Variants in CCDC196 observed in about 807,000 individuals in gnomAD.
The protein encoded by CCDC196 is coiled-coil domain-containing protein 196.
chr14:66,495,804 A>G (rs2057650409), intron 8 of CCDC196: 1 of 154,816 alleles, frequency 6.5e-6, no homozygotes, highest in Admixed American at 6.3e-5. Context: ...GAAAAAAGAA[A>G]AAAATTTCTT....
At chr14:66,494,216 T>C (rs2057609345) in intron 8 of CCDC196, among the ~76,000 whole-genome samples, 1 of 152,248 alleles carries the variant, frequency 6.6e-6, no homozygotes, top group Non-Finnish European at 1.5e-5. Flanking sequence ...AAATTGATTC[T>C]GCATTCATTT....
chr14:66,496,117 G>A (rs951853937), intron 8 of CCDC196: 21 of 356,928 alleles, frequency 5.9e-5, no homozygotes, highest in Admixed American at 5.4e-4. Context: ...ACAGGACAGC[G>A]TTTCTTTTTC....
intron 6 of CCDC196, 53 bp downstream of exon 6, chr14:66,491,157 T>C (rs1326856666): frequency 2.4e-6 from 1 of 411,780 alleles, no homozygotes; most frequent in African/African-American, 2.1e-5. Flanking sequence ...AAACTAGAAA[T>C]CTTTAATGTT....
intron 6 of CCDC196, 123 bp downstream of exon 6, chr14:66,491,227 G>C: frequency 2.5e-6 from 1 of 400,766 alleles, no homozygotes; most frequent in East Asian, 3.6e-5. Context: ...TATAGATTTG[G>C]TTCCCTTGTG....
At chr14:66,494,572 A>T (rs528038446) in intron 8 of CCDC196, 79 of 152,358 alleles carry the variant, frequency 5.2e-4, no homozygotes, top group African/African-American at 1.6e-3. Context: ...CCTTGAAAAT[A>T]AAATTTATAT....
At position 66,498,515 on chromosome 14, in the gene CCDC196, G is replaced by A; in HGVS notation, c.*43G>A. 2.4e-6 allele frequency: 1 copy of A among 412,420 alleles called. No homozygotes were observed. The highest frequency in any genetic ancestry group is 4.4e-6 in the Non-Finnish European group (1 of 225,270). 25.5% of individuals were successfully genotyped at this position (412,420 alleles called of 1,614,324 possible). A position where few individuals can be genotyped will look rare whatever the true frequency, so the allele number is the denominator to read the frequency against. ...TGCTTTGGACAGATTTAAAGACTAG[G>A]CACAGCCATTTGTGTTAATTAAAAT... On this transcript the variant is annotated 3_prime_UTR_variant, in exon 10 of 10. Coordinates refer to ENST00000636229, the MANE Select transcript of CCDC196 (RefSeq NM_001351576.1).
At chr14:66,496,357 T>C in intron 8 of CCDC196, 1 of 456,226 alleles carries the variant, frequency 2.2e-6, no homozygotes, top group Non-Finnish European at 4.4e-6. Context: ...CAAAATACAA[T>C]CCTGTGTTAA....
At position 66,494,829 on chromosome 14, in the gene CCDC196, T is replaced by C. The variant is rs545552033; in HGVS notation, c.715+2635T>C. On this transcript the variant is annotated intron_variant, in intron 8 of 9. Transcript: ENST00000636229. Reference sequence around the variant, plus strand: ...TCACGCGGTCAGGAGATTGAGACAATCCTGGTTAACATGGTGAAACCCCAT... The same window carrying C: ...TCACGCGGTCAGGAGATTGAGACAACCCTGGTTAACATGGTGAAACCCCAT... 5 of 152,040 alleles carry C rather than the reference T, an allele frequency of 3.3e-5. 2 individuals are homozygous for C. Among genetic ancestry groups the C allele is most frequent in the African/African-American group, 1.2e-4 (5 of 41,472 alleles). The allele number at this position is 152,040 out of a possible 1,614,324, so 9.4% of individuals were successfully genotyped here. A position where few individuals can be genotyped will look rare whatever the true frequency, so the allele number is the denominator to read the frequency against.
rs1382455072 is a variant in CCDC196 at position 66,488,206 on chromosome 14, T to A, written c.250T>A (p.Ser84Thr). ...QIMAGKGCEE[S>T]SVMELLKEAE... is the part of the protein sequence containing the mutation. ...CATGGCAGGGAAGGGGTGTGAGGAATCCTCGGTCATGGAGCTCCTTAAGGA... is the reference window on the plus strand; with the variant it reads ...CATGGCAGGGAAGGGGTGTGAGGAAACCTCGGTCATGGAGCTCCTTAAGGA... Residue 84 changes from serine to threonine, a missense_variant, in exon 3 of 10, where the codon TCC (serine) becomes ACC (threonine). Coordinates refer to ENST00000636229, the MANE Select transcript of CCDC196 (RefSeq NM_001351576.1). 2.4e-6 allele frequency: 1 copy of A among 413,036 alleles called. No individual in the cohort carries two copies. Among genetic ancestry groups the A allele is most frequent in the Non-Finnish European group, 4.4e-6 (1 of 225,920 alleles). 25.6% of individuals were successfully genotyped at this position (413,036 alleles called of 1,614,324 possible). A position where few individuals can be genotyped will look rare whatever the true frequency, so the allele number is the denominator to read the frequency against.
intron 8 of CCDC196, chr14:66,494,822 G>C (rs1268550778): frequency 6.6e-6 from 1 of 152,006 alleles, no homozygotes; most frequent in Admixed American, 6.6e-5. Flanking sequence ...TCAGGAGATT[G>C]AGACAATCCT....
chr14:66,498,534 T>C lies in CCDC196; in HGVS notation c.*62T>C, dbSNP rs1566719873. ...GACTAGGCACAGCCATTTGTGTTAA[T>C]TAAAATCTCTCGCACCTTTGTTTTA... On this transcript the variant is annotated 3_prime_UTR_variant, in exon 10 of 10. Transcript: ENST00000636229. 4.9e-6 allele frequency: 2 copies of C among 411,050 alleles called. No homozygotes were observed. Among genetic ancestry groups the C allele is most frequent in the East Asian group, 7.1e-5 (2 of 28,044 alleles). The allele number at this position is 411,050 out of a possible 1,614,324, so 25.5% of individuals were successfully genotyped here.
chr14:66,496,180 A>C, intron 8 of CCDC196: 2 of 443,732 alleles, frequency 4.5e-6, no homozygotes, highest in Non-Finnish European at 9.1e-6. Context: ...AAAGGGTGGA[A>C]TATAATTTTG....
At position 66,490,722 on chromosome 14, in the gene CCDC196, G is replaced by T. The variant is rs1299354273; in HGVS notation, c.352-20G>T. The T allele has an allele frequency of 2.5e-6, 1 of 399,040 alleles. No homozygotes were observed. The highest frequency in any genetic ancestry group is 4.4e-6 in the Non-Finnish European group (1 of 226,046). 24.7% of individuals were successfully genotyped at this position (399,040 alleles called of 1,614,324 possible). ...TTAATTTCCACTACTTTAAAGCTTT[G>T]CCAAAATGTCTTTCCACAGACATTC... On this transcript the variant is annotated intron_variant, in intron 4 of 9. Coordinates refer to ENST00000636229, the MANE Select transcript of CCDC196 (RefSeq NM_001351576.1).
At position 66,490,788 on chromosome 14, in the gene CCDC196, C is replaced by CA. The variant is rs947370514; in HGVS notation, c.404dup (p.Asn135LysfsTer18). ...AGTGATCAACAAAAAGCACCACAGACAAAAAACAAGGCAGACTTGCAGGAT... is the reference window on the plus strand; with the variant it reads ...AGTGATCAACAAAAAGCACCACAGACAAAAAAACAAGGCAGACTTGCAGGAT... On this transcript the variant is annotated frameshift_variant, in exon 5 of 10. Transcript: ENST00000636229. LOFTEE classifies it high-confidence loss of function. The CA allele has an allele frequency of 5.0e-6, 2 of 399,438 alleles. No individual in the cohort carries two copies. Among genetic ancestry groups the CA allele is most frequent in the East Asian group, 3.6e-5 (1 of 28,088 alleles). 24.7% of individuals were successfully genotyped at this position (399,438 alleles called of 1,614,324 possible). A position where few individuals can be genotyped will look rare whatever the true frequency, so the allele number is the denominator to read the frequency against.
chr14:66,488,367 C>T, intron 3 of CCDC196, 111 bp downstream of exon 3: 1 of 398,532 alleles, frequency 2.5e-6, no homozygotes. Flanking sequence ...TCTGATGCTC[C>T]AACACTCATA....
chr14:66,498,451 A>T lies in CCDC196; in HGVS notation c.873A>T (p.Pro291=). The part of the protein sequence containing the change: ...GGRLFFLRSL[P]DEALKN Reference sequence around the variant, plus strand: ...GACTCTTTTTTCTGAGGTCATTGCCAGATGAAGCACTGAAGAATTAGCAGG... The same window carrying T: ...GACTCTTTTTTCTGAGGTCATTGCCTGATGAAGCACTGAAGAATTAGCAGG... The change falls in exon 10 of 10, where the codon CCA becomes CCT. Residue 291 remains proline (P), a synonymous_variant. Coordinates refer to ENST00000636229, the MANE Select transcript of CCDC196 (RefSeq NM_001351576.1). 2.4e-6 allele frequency: 1 copy of T among 413,566 alleles called. No individual in the cohort carries two copies. Among genetic ancestry groups the T allele is most frequent in the Non-Finnish European group, 4.4e-6 (1 of 225,862 alleles). 25.6% of individuals were successfully genotyped at this position (413,566 alleles called of 1,614,324 possible).
intron 4 of CCDC196, among the ~76,000 whole-genome samples, chr14:66,489,402 C>T (rs2057486597): frequency 6.6e-6 from 1 of 152,122 alleles, no homozygotes; most frequent in African/African-American, 2.4e-5. Flanking sequence ...TTCTCCACTG[C>T]CTGTAATGCT....
intron 8 of CCDC196, among the ~76,000 whole-genome samples, chr14:66,493,241 C>A (rs572276939): frequency 6.6e-6 from 1 of 152,080 alleles, no homozygotes; most frequent in East Asian, 1.9e-4. Flanking sequence ...ATGAGTAAAT[C>A]AAAGAAAAGG....
At chr14:66,497,079 A>C (rs1313829906) in intron 8 of CCDC196, among the ~76,000 whole-genome samples, 1 of 152,184 alleles carries the variant, frequency 6.6e-6, no homozygotes, top group Non-Finnish European at 1.5e-5. Flanking sequence ...AGTAGTGTTA[A>C]GCTAAAATGC....
Sources: gnomAD v4.1 joint callset for allele counts (sites outside exome capture counted in the v4.1 genomes callset) on GRCh38, gnomAD v4.1.1 for gene constraint, MANE v1.5 for transcripts, NCBI Gene and HGNC (gene_info 2026-07-23, HGNC 2026-07-21) for gene names.